The following GSN variants were observed in gnomAD, a reference collection of about 807,000 sequenced individuals.
GSN encodes the protein actin-depolymerizing factor.
GSN carries 56 observed loss-of-function variants against 85.7 expected under a neutral mutation model. The ratio of observed to expected loss-of-function variants is 0.65; its 90% confidence interval spans 0.53 to 0.82. The LOEUF (loss-of-function observed/expected upper bound fraction) is 0.82, where lower values mean the gene tolerates loss of function less well. Ranked by LOEUF, GSN falls within the 40% of genes least tolerant of loss-of-function variation. The pLI is 0.00. For missense variants in GSN, 857 were observed against 979.8 expected, an observed-to-expected ratio of 0.87 and a Z score of 1.67; for synonymous variants, 373 against 399.1, an observed-to-expected ratio of 0.93 and a Z score of 0.78.
At chr9:121,213,392 C>A (rs569390028) in intron 4 of GSN, among the ~76,000 whole-genome samples, 1 of 152,342 alleles carries the variant, frequency 6.6e-6, no homozygotes, top group Admixed American at 6.5e-5. Context: ...CGTGCTCCAC[C>A]AGAGGGCGCA....
chr9:121,302,585 G>A (rs112189111), intron 3 of GSN, among the ~76,000 whole-genome samples: 2,207 of 152,194 alleles, frequency 0.015, 56 homozygotes, highest in African/African-American at 0.05. Flanking sequence ...CACCTCTGCC[G>A]TGGGATGCTA....
intron 2 of GSN, among the ~76,000 whole-genome samples, chr9:121,298,117 G>A (rs974322764): frequency 2.6e-5 from 4 of 152,218 alleles, no homozygotes; most frequent in East Asian, 1.9e-4. Flanking sequence ...CACAGACACC[G>A]AGACAAAGTT....
upstream of GSN, among the ~76,000 whole-genome samples, chr9:121,266,625 C>T (rs534231887): frequency 2.6e-5 from 4 of 152,176 alleles, no homozygotes; most frequent in Non-Finnish European, 5.9e-5. Context: ...GCCAAGGACT[C>T]AGGCATAGAA....
intron 4 of GSN, among the ~76,000 whole-genome samples, chr9:121,226,771 A>G (rs2054278240): frequency 6.6e-6 from 1 of 152,180 alleles, no homozygotes; most frequent in African/African-American, 2.4e-5. Context: ...GGCAACTCTT[A>G]TTGGGCTCCC....
chr9:121,223,744 C>T (rs1034515249), intron 4 of GSN, among the ~76,000 whole-genome samples: 3 of 152,154 alleles, frequency 2.0e-5, no homozygotes, highest in African/African-American at 7.2e-5. Context: ...GCTGCAAACC[C>T]TGCCTTCTGG....
At chr9:121,232,450 T>C (rs1409609520) in intron 5 of GSN, among the ~76,000 whole-genome samples, 1 of 152,240 alleles carries the variant, frequency 6.6e-6, no homozygotes, top group East Asian at 1.9e-4. Flanking sequence ...TCAGGCACTC[T>C]TGGCAGAGTT....
rs2061269811 is a variant in GSN at position 121,312,495 on chromosome 9, GTGGGGTGCGCAA to G, written c.663+15_663+26del. 6.2e-7 allele frequency: 1 copy of G among 1,607,230 alleles called. No individual in the cohort carries two copies. Among genetic ancestry groups the G allele is most frequent in the East Asian group, 2.2e-5 (1 of 44,706 alleles). The stretch of plus-strand genomic sequence containing the variant: ...GCCCGAGGCGATGCTCCAGGTGCCT[GTGGGGTGCGCAA>G]TGGGGTGGCCATGGGGACACGCTGC... On this transcript the variant is annotated splice_region_variant and intron_variant, in intron 6 of 17. Coordinates refer to ENST00000432226, the MANE Select transcript of GSN (RefSeq NM_198252.3).
chr9:121,221,145 C>T (rs931879682), intron 4 of GSN, among the ~76,000 whole-genome samples: 3 of 152,204 alleles, frequency 2.0e-5, no homozygotes, highest in Admixed American at 2.0e-4. Flanking sequence ...CGGCCCAGTC[C>T]GAGAAAAGCC....
intron 4 of GSN, among the ~76,000 whole-genome samples, chr9:121,306,029 A>C (rs1028329749): frequency 1.6e-4 from 25 of 152,164 alleles, no homozygotes. Context: ...TATGACCCCC[A>C]AATCCTTAGA....
chr9:121,332,610 GC>G lies in GSN; in HGVS notation c.*8del. On this transcript the variant is annotated 3_prime_UTR_variant, in exon 18 of 18. Coordinates refer to ENST00000432226, the MANE Select transcript of GSN (RefSeq NM_198252.3). This position sits in a 1 kb window ranked among gnomAD's most constrained non-coding sequence, Gnocchi z 4.8. ...GGCTGAGCTGGCTGCCTGAGGAGGGGCAGGGCCCACCCATGTCACCGGTCAG... is the reference window on the plus strand; with the variant it reads ...GGCTGAGCTGGCTGCCTGAGGAGGGGAGGGCCCACCCATGTCACCGGTCAG... The G allele has an allele frequency of 6.2e-7, 1 of 1,610,932 alleles. No homozygotes were observed. Among genetic ancestry groups the G allele is most frequent in the Non-Finnish European group, 8.5e-7 (1 of 1,178,200 alleles).
chr9:121,324,704 A>C, intron 12 of GSN, 60 bp downstream of exon 12: 1 of 817,026 alleles, frequency 1.2e-6, no homozygotes, highest in South Asian at 1.4e-5. Context: ...CTCTTCACTC[A>C]TCTGTCTGAC....
chr9:121,226,099 C>G (rs536188317), intron 4 of GSN, among the ~76,000 whole-genome samples: 1 of 152,138 alleles, frequency 6.6e-6, no homozygotes, highest in Non-Finnish European at 1.5e-5. Context: ...CCACTGCGCC[C>G]GGCAGAGCCT....
intron 4 of GSN, among the ~76,000 whole-genome samples, chr9:121,212,942 C>T (rs2053994041): frequency 1.3e-5 from 2 of 152,148 alleles, no homozygotes; most frequent in Non-Finnish European, 2.9e-5. Flanking sequence ...AGCCACTGCA[C>T]CTGGCTCTTG....
At chr9:121,320,494 A>C in intron 10 of GSN, among the ~76,000 whole-genome samples, 1 of 152,066 alleles carries the variant, frequency 6.6e-6, no homozygotes, top group Non-Finnish European at 1.5e-5. Context: ...AAAATACAAA[A>C]CTTAGCTGGC....
intron 1 of GSN, among the ~76,000 whole-genome samples, chr9:121,274,096 A>G (rs1033145087): frequency 6.6e-6 from 1 of 152,244 alleles, no homozygotes; most frequent in Non-Finnish European, 1.5e-5. Context: ...TAAGCAGCAA[A>G]GTATTTCAAG....
intron 14 of GSN, among the ~76,000 whole-genome samples, chr9:121,328,364 T>A (rs866833817): frequency 1.3e-5 from 2 of 152,242 alleles, no homozygotes; most frequent in African/African-American, 4.8e-5. Flanking sequence ...ATTAGTCACA[T>A]GTGGCTGTTG....
chr9:121,302,316 G>A (rs1029900920), intron 3 of GSN, 149 bp downstream of exon 3: 2 of 883,632 alleles, frequency 2.3e-6, no homozygotes, highest in Non-Finnish European at 3.6e-6. Flanking sequence ...AGACGCTAGA[G>A]CCAGCCTGGC....
At chr9:121,235,613 G>A (rs1193456714) in intron 5 of GSN, among the ~76,000 whole-genome samples, 1 of 152,180 alleles carries the variant, frequency 6.6e-6, no homozygotes, top group African/African-American at 2.4e-5. Context: ...TTGGTTCTTT[G>A]TCGCTCATTC....
intron 5 of GSN, 33 bp from the exon 6 acceptor site, chr9:121,312,306 G>C (rs187508681): frequency 5.1e-5 from 82 of 1,612,726 alleles, no homozygotes; most frequent in Middle Eastern, 3.3e-4. Flanking sequence ...ATAGGAAGGC[G>C]GGGCACTGAC....
Sources: allele counts gnomAD v4.1 joint callset (sites outside exome capture counted in the v4.1 genomes callset), GRCh38; gene constraint gnomAD v4.1.1; non-coding constraint Gnocchi (gnomAD v3.1); transcripts MANE v1.5; gene names NCBI Gene and HGNC (gene_info 2026-07-23, HGNC 2026-07-21).